The following BCR variants were observed in gnomAD, a reference collection of about 807,000 sequenced individuals.
The protein encoded by BCR is BCR activator of RhoGEF and GTPase.
BCR carries 58 observed loss-of-function variants against 138.6 expected under a neutral mutation model. The ratio of observed to expected loss-of-function variants is 0.42; its 90% CI spans 0.34 to 0.52. The LOEUF (loss-of-function observed/expected upper bound fraction) is 0.52, where lower values mean the gene tolerates loss of function less well. Ranked by LOEUF, BCR falls within the 20% of genes least tolerant of loss-of-function variation. The pLI is 0.06. For synonymous variants in BCR, 786 were observed against 730.1 expected (o/e 1.08, Z -1.23); for missense variants, 1,599 against 1,727.2 (o/e 0.93, Z 1.32).
chr22:23,212,273 G>T (rs2072694940), intron 1 of BCR, among the ~76,000 whole-genome samples: 1 of 152,198 alleles, frequency 6.6e-6, no homozygotes, highest in African/African-American at 2.4e-5. Context: ...ATTGGGATTG[G>T]CAGACACACT....
rs201470941 is a variant in BCR at position 23,271,523 on chromosome 22, T to C, written c.1861-9T>C. The C allele has an allele frequency of 6.2e-5, 100 of 1,613,978 alleles. No homozygotes were observed. The African/African-American group carries it at 1.0e-3, about 17-fold the overall frequency. On this transcript the variant is annotated splice_polypyrimidine_tract_variant and intron_variant, in intron 5 of 22. Coordinates refer to ENST00000305877, the MANE Select transcript of BCR (RefSeq NM_004327.4). Reference sequence around the variant, plus strand: ...TCATCTGTGTGAACATGCGCTTTTCTCTCTGCAGAACCTGAGAGCCAGAAG... The same window carrying C: ...TCATCTGTGTGAACATGCGCTTTTCCCTCTGCAGAACCTGAGAGCCAGAAG...
intron 2 of BCR, among the ~76,000 whole-genome samples, 162 bp downstream of exon 2, chr22:23,254,142 A>G (rs1407095577): frequency 1.3e-5 from 2 of 152,180 alleles, no homozygotes; most frequent in Non-Finnish European, 2.9e-5. Flanking sequence ...TGTGGTACAC[A>G]GACAGCCTGC....
chr22:23,268,234 C>T (rs961863600), intron 4 of BCR, among the ~76,000 whole-genome samples, 174 bp from the exon 5 acceptor site: 4 of 152,094 alleles, frequency 2.6e-5, no homozygotes, highest in African/African-American at 4.8e-5. Flanking sequence ...GTGCTGGGTG[C>T]GTGGGGAGGG....
rs1406092633 is a variant in BCR, at chr22:23,199,948, C to T, written c.1279+17709C>T. On this transcript the variant is annotated intron_variant, in intron 1 of 22. Transcript: ENST00000305877. ...AAATACAAAAAAAAAATTAGCCGGG[C>T]GTGGTGGCGGGCGCCTGTAGTCCCA... Among the ~76,000 whole-genome samples, 7 of 152,114 alleles carry T rather than the reference C, an allele frequency of 4.6e-5. No homozygotes were observed. In the South Asian group the frequency reaches 6.2e-4, roughly 14 times the overall value.
rs141221477 is a variant in BCR at position 23,183,000 on chromosome 22, G to T, written c.1279+761G>T. On this transcript the variant is annotated intron_variant, in intron 1 of 22. Coordinates refer to ENST00000305877, the MANE Select transcript of BCR (RefSeq NM_004327.4). ...CAGGCTCCTCCATGGTGGTAACCCAGCCCCATTTGCTGACCCTCCAGTGTG... is the reference window on the plus strand; with the variant it reads ...CAGGCTCCTCCATGGTGGTAACCCATCCCCATTTGCTGACCCTCCAGTGTG... Among the ~76,000 whole-genome samples the T allele has an allele frequency of 3.3e-5, 5 of 152,336 alleles. No individual in the cohort carries two copies. In the East Asian group the frequency reaches 7.7e-4, roughly 23 times the overall value.
At chr22:23,265,278 C>G (rs1427759820) in intron 4 of BCR, among the ~76,000 whole-genome samples, 1 of 152,212 alleles carries the variant, frequency 6.6e-6, no homozygotes, top group Admixed American at 6.5e-5. Context: ...AGTTGTTCCC[C>G]ATAACGACGA....
Position 23,275,033 on chromosome 22 carries a change from C to T in BCR, c.2115+1259C>T, listed in dbSNP as rs78802358. Among the ~76,000 whole-genome samples the T allele has an allele frequency of 8.4e-3, 1,282 of 152,274 alleles. 27 individuals carry two copies. The highest frequency in any genetic ancestry group is 0.029 in the African/African-American group (1,216 of 41,544). ...TCAGGGCCCCCAGGGTGGACCTGCC[C>T]AACACATGGGGCTTGCTTTCCTCCT... is the stretch of plus-strand genomic sequence containing the variant. On this transcript the variant is annotated intron_variant, in intron 8 of 22. Transcript: ENST00000305877.
intron 1 of BCR, among the ~76,000 whole-genome samples, chr22:23,214,498 C>G (rs2072726227): frequency 6.6e-6 from 1 of 152,368 alleles, no homozygotes; most frequent in African/African-American, 2.4e-5. Flanking sequence ...CCTTCCACCT[C>G]TGTGGCCTGT....
At chr22:23,275,035 A>T (rs764498075) in intron 8 of BCR, among the ~76,000 whole-genome samples, 3 of 151,986 alleles carry the variant, frequency 2.0e-5, no homozygotes, top group Non-Finnish European at 4.4e-5. Context: ...GACCTGCCCA[A>T]CACATGGGGC....
chr22:23,264,073 A>G, intron 4 of BCR: 2 of 1,232,504 alleles, frequency 1.6e-6, no homozygotes, highest in Non-Finnish European at 2.4e-6. Context: ...TATGTTCGCT[A>G]CTGGGACTGC....
At chr22:23,266,799 A>G (rs1192898856) in intron 4 of BCR, among the ~76,000 whole-genome samples, 1 of 152,268 alleles carries the variant, frequency 6.6e-6, no homozygotes, top group Non-Finnish European at 1.5e-5. Flanking sequence ...TTCTCAGTGC[A>G]TCAGATCCGG....
At position 23,209,605 on chromosome 22, in the gene BCR, G is replaced by A. The variant is rs955886692; in HGVS notation, c.1279+27366G>A. On this transcript the variant is annotated intron_variant, in intron 1 of 22. Coordinates refer to ENST00000305877, the MANE Select transcript of BCR (RefSeq NM_004327.4). ...GTTGCCCAGGCTGGAGTGCAGTGGC[G>A]CGATCTCGGCTCACTGCAACCTCCC... 1.1e-4 allele frequency among the ~76,000 whole-genome samples: 17 copies of A among 149,498 alleles called. No homozygotes were observed. The East Asian group carries it at 1.2e-3, about 11-fold the overall frequency.
rs536025305 is a variant in BCR, at chr22:23,189,466, C to T, written c.1279+7227C>T. On this transcript the variant is annotated intron_variant, in intron 1 of 22. Transcript: ENST00000305877. Reference sequence around the variant, plus strand: ...TCACTCAAGCAGGGCTTTGAAGTTCCCCAGGGCGACACTCTCAGTCTTTTC... The same window carrying T: ...TCACTCAAGCAGGGCTTTGAAGTTCTCCAGGGCGACACTCTCAGTCTTTTC... Among the ~76,000 whole-genome samples, 48 of 152,154 alleles carry T rather than the reference C, an allele frequency of 3.2e-4. No individual in the cohort carries two copies. In the South Asian group the frequency reaches 9.3e-3, roughly 30 times the overall value.
chr22:23,223,026 G>A (rs1271141629), intron 1 of BCR, among the ~76,000 whole-genome samples: 1 of 152,158 alleles, frequency 6.6e-6, no homozygotes, highest in Non-Finnish European at 1.5e-5. Context: ...TGGCAGAAGG[G>A]CCAAAGAAGC....
intron 5 of BCR, among the ~76,000 whole-genome samples, chr22:23,271,038 A>G (rs990147540): frequency 2.0e-5 from 3 of 152,206 alleles, no homozygotes; most frequent in African/African-American, 4.8e-5. Context: ...CATGCTGTCT[A>G]ATTGCCCCAA....
chr22:23,273,522 CT>C, intron 7 of BCR, 111 bp from the exon 8 acceptor site: 1 of 1,431,460 alleles, frequency 7.0e-7, no homozygotes. Flanking sequence ...TGTGGTGACA[CT>C]GAGGGAGCCG....
chr22:23,197,083 C>G (rs1569240989), intron 1 of BCR, among the ~76,000 whole-genome samples: 1 of 152,198 alleles, frequency 6.6e-6, no homozygotes, highest in South Asian at 2.1e-4. Flanking sequence ...CACCACATAA[C>G]GACATTTTGG....
intron 1 of BCR, among the ~76,000 whole-genome samples, chr22:23,234,408 G>A (rs1232811452): frequency 6.6e-6 from 1 of 152,208 alleles, no homozygotes; most frequent in East Asian, 1.9e-4. Flanking sequence ...TGGGTGATCA[G>A]TGGCCTGAGG....
intron 1 of BCR, among the ~76,000 whole-genome samples, chr22:23,196,027 T>C (rs2072477027): frequency 6.6e-6 from 1 of 152,228 alleles, no homozygotes; most frequent in Non-Finnish European, 1.5e-5. Context: ...GTCAGCCACT[T>C]TCTGCAGTCA....
Sources: allele counts gnomAD v4.1 joint callset (sites outside exome capture counted in the v4.1 genomes callset), GRCh38; gene constraint gnomAD v4.1.1; transcripts MANE v1.5; gene names NCBI Gene and HGNC (gene_info 2026-07-23, HGNC 2026-07-21).